The following CDH12 variants were observed in gnomAD, a reference collection of about 807,000 sequenced individuals.
CDH12 encodes the protein cadherin-12.
In CDH12, 41 loss-of-function variants were observed where a neutral mutation model predicts 74.1. The observed-to-expected ratio is 0.55, with a 90% CI of 0.43 to 0.72. CDH12 has a LOEUF of 0.72. CDH12 is among the 30% of genes least tolerant of loss of function. The pLI is 0.00. For synonymous variants in CDH12, 399 were observed against 355.0 expected, an observed-to-expected ratio of 1.12 and a Z score of -1.39; for missense variants, 945 against 977.2, an observed-to-expected ratio of 0.97 and a Z score of 0.44.
intron 3 of CDH12, among the ~76,000 whole-genome samples, chr5:22,224,478 A>T (rs1561235360): frequency 6.6e-6 from 1 of 152,088 alleles, no homozygotes; most frequent in African/African-American, 2.4e-5. Context: ...CTTTTGTTGT[A>T]GATGTTGACA....
At chr5:22,373,134 C>A (rs577578710) in intron 3 of CDH12, among the ~76,000 whole-genome samples, 1 of 152,144 alleles carries the variant, frequency 6.6e-6, no homozygotes, top group Non-Finnish European at 1.5e-5. Context: ...AAGTCCCATT[C>A]CCCCAGGATT....
intron 1 of CDH12, among the ~76,000 whole-genome samples, chr5:22,606,912 G>A (rs1737147778): frequency 6.6e-6 from 1 of 152,138 alleles, no homozygotes; most frequent in African/African-American, 2.4e-5. Flanking sequence ...TAATAATATG[G>A]ACAATGAAGC....
chr5:22,705,770 A>C (rs916950913), intron 1 of CDH12, among the ~76,000 whole-genome samples: 2 of 152,118 alleles, frequency 1.3e-5, no homozygotes, highest in African/African-American at 4.8e-5. Context: ...AATGAAAAAA[A>C]GCATTACCAC....
chr5:22,712,205 T>A (rs1743325086), intron 1 of CDH12, among the ~76,000 whole-genome samples: 1 of 151,966 alleles, frequency 6.6e-6, no homozygotes, highest in African/African-American at 2.4e-5. Context: ...TTCTTTTTCA[T>A]AAATATGGGT....
At chr5:22,585,593 C>T (rs1202148582) in intron 1 of CDH12, among the ~76,000 whole-genome samples, 3 of 152,092 alleles carry the variant, frequency 2.0e-5, no homozygotes, top group South Asian at 2.1e-4. Flanking sequence ...ACTTTGTCAA[C>T]ATTCAATGTT....
chr5:22,169,256 A>T (rs1748878043), intron 4 of CDH12, among the ~76,000 whole-genome samples: 1 of 151,886 alleles, frequency 6.6e-6, no homozygotes, highest in South Asian at 2.1e-4. Flanking sequence ...AAAGAGATAC[A>T]GAATTTACAC....
At chr5:22,802,487 T>C (rs1484073481) in intron 1 of CDH12, among the ~76,000 whole-genome samples, 1 of 152,140 alleles carries the variant, frequency 6.6e-6, no homozygotes, top group Non-Finnish European at 1.5e-5. Context: ...AATAAATAAT[T>C]AGACTTCTGT....
At chr5:22,085,187 A>T (rs540264735) in intron 4 of CDH12, among the ~76,000 whole-genome samples, 3 of 151,672 alleles carry the variant, frequency 2.0e-5, no homozygotes, top group Non-Finnish European at 4.4e-5. Flanking sequence ...TTTTTTTTTT[A>T]AATGGTCATA....
intron 6 of CDH12, among the ~76,000 whole-genome samples, chr5:21,893,835 C>G (rs555012680): frequency 1.6e-3 from 238 of 152,252 alleles, no homozygotes; most frequent in African/African-American, 5.2e-3. Context: ...GAAATGGCTC[C>G]TTACATAAAC....
At chr5:22,354,753 C>T (rs1416991700) in intron 3 of CDH12, among the ~76,000 whole-genome samples, 3 of 152,184 alleles carry the variant, frequency 2.0e-5, no homozygotes, top group East Asian at 3.9e-4. Context: ...GAGGTGACCA[C>T]GGTTGCTTAT....
rs141695343 is a variant in CDH12 at position 22,724,438 on chromosome 5, G to C, written c.-523+128620C>G. 4.8e-3 allele frequency among the ~76,000 whole-genome samples: 734 copies of C among 151,720 alleles called. 24 individuals carry two copies. Among genetic ancestry groups the C allele is most frequent in the Admixed American group, 0.042 (633 of 15,204 alleles). ...TGCATTATATCATTCTTATGCCTTG[G>C]CATACTCATAGCTTAGCTCCCACTA... is the stretch of plus-strand genomic sequence containing the variant. On this transcript the variant is annotated intron_variant, in intron 1 of 14. Coordinates refer to ENST00000382254, the MANE Select transcript of CDH12 (RefSeq NM_004061.5).
chr5:21,757,306 G>C (rs1744455652), intron 13 of CDH12, among the ~76,000 whole-genome samples: 1 of 152,062 alleles, frequency 6.6e-6, no homozygotes, highest in African/African-American at 2.4e-5. Flanking sequence ...CTCCTAAGTA[G>C]CTGGGACTAC....
chr5:22,255,843 C>T (rs1753294029), intron 3 of CDH12, among the ~76,000 whole-genome samples: 1 of 151,754 alleles, frequency 6.6e-6, no homozygotes, highest in Non-Finnish European at 1.5e-5. Flanking sequence ...ATCAGTATAA[C>T]TGTTAGAATG....
At chr5:22,330,933 G>C (rs1267981523) in intron 3 of CDH12, among the ~76,000 whole-genome samples, 1 of 151,998 alleles carries the variant, frequency 6.6e-6, no homozygotes, top group African/African-American at 2.4e-5. Context: ...GCCCTAAAGT[G>C]TGAGTCCCAG....
intron 6 of CDH12, among the ~76,000 whole-genome samples, chr5:21,873,060 T>C (rs1199933367): frequency 6.6e-6 from 1 of 152,156 alleles, no homozygotes; most frequent in East Asian, 1.9e-4. Context: ...TACTAAATCC[T>C]AAAATCAACA....
intron 11 of CDH12, among the ~76,000 whole-genome samples, chr5:21,772,783 A>G (rs942485488): frequency 1.4e-4 from 21 of 152,188 alleles, no homozygotes; most frequent in Admixed American, 5.2e-4. Flanking sequence ...TTTTATCTAC[A>G]TGTCTAAATA....
intron 6 of CDH12, among the ~76,000 whole-genome samples, chr5:21,974,128 T>A (rs191112470): frequency 5.5e-4 from 83 of 152,278 alleles, no homozygotes; most frequent in Non-Finnish European, 1.1e-3. Context: ...GCGTGCACAA[T>A]CTTCATCACA....
At chr5:21,922,475 TA>T (rs1754397776) in intron 6 of CDH12, among the ~76,000 whole-genome samples, 1 of 152,116 alleles carries the variant, frequency 6.6e-6, no homozygotes, top group Non-Finnish European at 1.5e-5. Flanking sequence ...GAACATGCAA[TA>T]AATATGCTGG....
chr5:22,778,988 G>T (rs1747251309), intron 1 of CDH12, among the ~76,000 whole-genome samples: 1 of 152,060 alleles, frequency 6.6e-6, no homozygotes, highest in Non-Finnish European at 1.5e-5. Context: ...AGGCTGTCCA[G>T]AATTTCTCTT....
Sources: allele counts gnomAD v4.1 joint callset (sites outside exome capture counted in the v4.1 genomes callset), GRCh38; gene constraint gnomAD v4.1.1; transcripts MANE v1.5; gene names NCBI Gene and HGNC (gene_info 2026-07-23, HGNC 2026-07-21).